Variants in FAT1 observed in about 807,000 individuals in gnomAD.
The protein encoded by FAT1 is protocadherin Fat 1.
FAT1 carries 171 observed loss-of-function variants against 329.8 expected under a neutral mutation model. That is an observed-to-expected ratio of 0.52 (90% CI 0.46 to 0.59). The LOEUF (loss-of-function observed/expected upper bound fraction) is 0.59, where lower values mean the gene tolerates loss of function less well. Ranked by LOEUF, FAT1 falls within the 20% of genes least tolerant of loss-of-function variation. The pLI is 0.00. For missense variants in FAT1, 5,672 were observed against 5,774.4 expected, an observed-to-expected ratio of 0.98 and a Z score of 0.57; for synonymous variants, 2,233 against 2,228.6, an observed-to-expected ratio of 1.00 and a Z score of -0.06.
rs562612394 is a variant in FAT1, at chr4:186,619,720, G to A, written c.6866C>T (p.Ala2289Val). 1.2e-5 allele frequency: 20 copies of A among 1,613,844 alleles called. No homozygotes were observed. The highest frequency in any genetic ancestry group is 9.3e-5 in the African/African-American group (7 of 74,898). ...TACAGATGCCTCAGACAGGGTCACCGCATAAGACTGCTGAGCAAACACAGG... is the reference window on the plus strand; with the variant it reads ...TACAGATGCCTCAGACAGGGTCACCACATAAGACTGCTGAGCAAACACAGG... ...NPPVFAQQSY[A>V]VTLSEASVIG... Residue 2289 changes from alanine (A) to valine (V), a missense_variant, in exon 10 of 27, where the codon GCG becomes GTG. Around this residue, in one of 2 missense-constraint regions of FAT1, gnomAD observed 3,966 missense variants for 3,915.2 expected, o/e 1.01. Transcript: ENST00000441802.
Position 186,708,754 on chromosome 4 carries a change from T to G in FAT1, c.1074A>C (p.Pro358=), listed in dbSNP as rs1460022290. ...SSVKVIHVTS[P]QFKAGPVKFE... Reference sequence around the variant, plus strand: ...ACTTGACTGGCCCGGCTTTGAACTGTGGAGAAGTCACGTGAATGACTTTAA... The same window carrying G: ...ACTTGACTGGCCCGGCTTTGAACTGGGGAGAAGTCACGTGAATGACTTTAA... The change falls in exon 2 of 27, where the codon CCA becomes CCC. Residue 358 remains proline (P), a synonymous_variant. Coordinates refer to ENST00000441802, the MANE Select transcript of FAT1 (RefSeq NM_005245.4). The G allele has an allele frequency of 2.5e-6, 4 of 1,614,002 alleles. No individual in the cohort carries two copies. The African/African-American group carries it at 5.3e-5, about 22-fold the overall frequency.
intron 2 of FAT1, among the ~76,000 whole-genome samples, chr4:186,668,109 C>T (rs1308472058): frequency 2.0e-5 from 3 of 152,096 alleles, no homozygotes; most frequent in Non-Finnish European, 2.9e-5. Flanking sequence ...TACCTAGGCG[C>T]TATTATAGGC....
rs1738904774 is a variant in FAT1, at chr4:186,603,177, T to A, written c.11349A>T (p.Lys3783Asn). 1.9e-6 allele frequency: 3 copies of A among 1,613,546 alleles called. No homozygotes were observed. Among genetic ancestry groups the A allele is most frequent in the African/African-American group, 1.3e-5 (1 of 74,934 alleles). Residue 3783 changes from lysine to asparagine, a missense_variant and splice_region_variant, in exon 19 of 27, where the codon AAA (lysine) becomes AAT (asparagine). Lys to Asn is a moderately conservative substitution (Grantham distance 94, BLOSUM62 0). Transcript: ENST00000441802. ...RHHRAAVCLCKEGRCPPVHHG... is the reference protein window; with the variant it reads ...RHHRAAVCLCNEGRCPPVHHG... ...CTTTCATACACTCATGTGCAGTACC[T>A]TTGCAGAGACACACCGCTGCCCTGT...
chr4:186,628,879 A>G, intron 7 of FAT1, 116 bp from the exon 8 acceptor site: 2 of 1,024,674 alleles, frequency 2.0e-6, no homozygotes, highest in Middle Eastern at 3.2e-4. Flanking sequence ...AAAATAAAAT[A>G]CGAGAAAGGC....
intron 6 of FAT1, among the ~76,000 whole-genome samples, chr4:186,634,314 A>G (rs1013506939): frequency 6.6e-6 from 1 of 152,360 alleles, no homozygotes; most frequent in African/African-American, 2.4e-5. Flanking sequence ...CTATTTGAAA[A>G]GAATTTTTTT....
intron 2 of FAT1, among the ~76,000 whole-genome samples, chr4:186,668,951 A>G (rs963015153): frequency 1.3e-5 from 2 of 152,196 alleles, no homozygotes; most frequent in East Asian, 3.9e-4. Flanking sequence ...TCAACTTTCA[A>G]TAAGTACTTT....
At position 186,663,308 on chromosome 4, in the gene FAT1, G is replaced by A. The variant is rs1183368458; in HGVS notation, c.3571C>T (p.Pro1191Ser). 1 of 1,611,144 alleles carries A rather than the reference G, an allele frequency of 6.2e-7. No individual in the cohort carries two copies. The highest frequency in any genetic ancestry group is 1.3e-5 in the African/African-American group (1 of 74,866). The change falls in exon 3 of 27, where the codon CCT becomes TCT. Residue 1191 changes from proline (P) to serine (S), a missense_variant. Physicochemically the swap from Pro to Ser is moderately conservative, Grantham distance 74. Around this residue, in one of 2 missense-constraint regions of FAT1, gnomAD observed 3,966 missense variants for 3,915.2 expected, o/e 1.01. Coordinates refer to ENST00000441802, the MANE Select transcript of FAT1 (RefSeq NM_005245.4). Reference protein sequence around the residue: ...GNPQGFFSIHPKTGLITTTSR... With the variant: ...GNPQGFFSIHSKTGLITTTSR... ...CAGTATTAACACATACCTGTTTTAGGATGTATTGAAAAGAATCCTTGTGGA... is the reference window on the plus strand; with the variant it reads ...CAGTATTAACACATACCTGTTTTAGAATGTATTGAAAAGAATCCTTGTGGA...
intron 3 of FAT1, among the ~76,000 whole-genome samples, chr4:186,660,016 C>A (rs1465562581): frequency 4.6e-5 from 7 of 152,328 alleles, no homozygotes; most frequent in African/African-American, 1.7e-4. Context: ...ATCGAAGGAC[C>A]TGGAAGTCAG....
intron 2 of FAT1, among the ~76,000 whole-genome samples, chr4:186,698,961 T>TA (rs1422500302): frequency 6.6e-6 from 1 of 152,254 alleles, no homozygotes; most frequent in Non-Finnish European, 1.5e-5. Context: ...TCAATGGCAC[T>TA]AAGTCGACGT....
At chr4:186,650,271 T>C (rs1741574952) in intron 3 of FAT1, among the ~76,000 whole-genome samples, 1 of 152,228 alleles carries the variant, frequency 6.6e-6, no homozygotes, top group Non-Finnish European at 1.5e-5. Context: ...ATATACAAAA[T>C]ATGACACAAA....
intron 2 of FAT1, among the ~76,000 whole-genome samples, chr4:186,668,827 G>C (rs960711876): frequency 6.6e-6 from 1 of 152,026 alleles, no homozygotes; most frequent in Non-Finnish European, 1.5e-5. Flanking sequence ...TTAACACAGA[G>C]AAAAACAAAA....
intron 2 of FAT1, among the ~76,000 whole-genome samples, chr4:186,670,357 ATAATTT>A (rs1742673849): frequency 1.3e-5 from 2 of 152,242 alleles, no homozygotes; most frequent in African/African-American, 4.8e-5. Flanking sequence ...AATGTGAGAT[ATAATTT>A]TAACGATATT....
chr4:186,627,344 C>T (rs889808470), intron 9 of FAT1, among the ~76,000 whole-genome samples: 2 of 152,128 alleles, frequency 1.3e-5, no homozygotes, highest in East Asian at 3.9e-4. Context: ...TGGCACCTGA[C>T]ACATAAAACG....
At chr4:186,643,280 CA>C (rs1420341220) in intron 3 of FAT1, among the ~76,000 whole-genome samples, 6 of 152,142 alleles carry the variant, frequency 3.9e-5, no homozygotes, top group Non-Finnish European at 8.8e-5. Context: ...GCATAATTCA[CA>C]AATCAAGATC....
chr4:186,666,944 C>T lies in FAT1; in HGVS notation c.3266-3331G>A, dbSNP rs115554947. ...GCCAGCAATATCCTTGTCAGTCCTACGGCTGTTATGACAAAAGAGTAAACA... is the reference window on the plus strand; with the variant it reads ...GCCAGCAATATCCTTGTCAGTCCTATGGCTGTTATGACAAAAGAGTAAACA... On this transcript the variant is annotated intron_variant, in intron 2 of 26. Transcript: ENST00000441802. Among the ~76,000 whole-genome samples the T allele has an allele frequency of 2.6e-3, 390 of 152,296 alleles. 1 individual carries two copies. Among genetic ancestry groups the T allele is most frequent in the African/African-American group, 8.5e-3 (355 of 41,570 alleles).
chr4:186,715,477 C>T (rs1745168784), intron 1 of FAT1, among the ~76,000 whole-genome samples: 1 of 152,196 alleles, frequency 6.6e-6, no homozygotes, highest in East Asian at 1.9e-4. Flanking sequence ...TTTTGGAAGA[C>T]ATTGTTAACC....
At chr4:186,672,724 A>C (rs545558321) in intron 2 of FAT1, among the ~76,000 whole-genome samples, 24 of 152,360 alleles carry the variant, frequency 1.6e-4, no homozygotes, top group African/African-American at 5.8e-4. Context: ...GAAGTCACAC[A>C]GTCCATTAGT....
At chr4:186,722,145 T>C (rs1369505796) in intron 1 of FAT1, among the ~76,000 whole-genome samples, 1 of 152,230 alleles carries the variant, frequency 6.6e-6, no homozygotes, top group Non-Finnish European at 1.5e-5. Flanking sequence ...GCCATAATTT[T>C]TAAACATTTT....
chr4:186,709,893 CA>C, intron 1 of FAT1, 48 bp from the exon 2 acceptor site: 1 of 1,472,522 alleles, frequency 6.8e-7, no homozygotes. Flanking sequence ...ATAAAACAAG[CA>C]AAAGTGTGTA....
Sources: gnomAD v4.1 joint callset for allele counts (sites outside exome capture counted in the v4.1 genomes callset) on GRCh38, gnomAD v4.1.1 for gene constraint, gnomAD v4.1.1 regional missense constraint, MANE v1.5 for transcripts, NCBI Gene and HGNC (gene_info 2026-07-23, HGNC 2026-07-21) for gene names.